Variants in CHL1 observed in about 807,000 individuals in gnomAD.
CHL1 encodes the protein cell adhesion molecule L1 like.
A neutral mutation model predicts 141.9 loss-of-function variants in CHL1; 96 were observed. The observed-to-expected ratio is 0.68, with a 90% confidence interval of 0.57 to 0.80. The LOEUF (loss-of-function observed/expected upper bound fraction) is 0.80. Ranked by LOEUF, CHL1 falls within the 30% of genes least tolerant of loss-of-function variation. CHL1 has a pLI of 0.00. For synonymous variants in CHL1, 613 were observed against 502.2 expected (o/e 1.22, Z -2.95); for missense variants, 1,820 against 1,457.2 (o/e 1.25, Z -4.05).
intron 1 of CHL1, among the ~76,000 whole-genome samples, chr3:231,730 C>T (rs1162247788): frequency 6.6e-6 from 1 of 151,880 alleles, no homozygotes; most frequent in East Asian, 1.9e-4. Flanking sequence ...GTGCCTGCCA[C>T]CATGCCTGGC....
intron 2 of CHL1, among the ~76,000 whole-genome samples, chr3:298,060 G>C (rs144255900): frequency 6.6e-6 from 1 of 152,126 alleles, no homozygotes. Flanking sequence ...TTCTACCTGA[G>C]TGTATATACA....
At chr3:358,973 T>TTA (rs61074463) in intron 11 of CHL1, among the ~76,000 whole-genome samples, 14,409 of 146,346 alleles carry the variant, frequency 0.098, 778 homozygotes, top group South Asian at 0.11. Context: ...AAAATATATG[T>TTA]TATATATATA....
intron 5 of CHL1, among the ~76,000 whole-genome samples, chr3:328,944 C>T (rs1257454016): frequency 6.6e-6 from 1 of 152,118 alleles, no homozygotes; most frequent in African/African-American, 2.4e-5. Context: ...TGCATAGTCC[C>T]ATCTAACATC....
At chr3:381,860 T>C (rs770199134) in intron 16 of CHL1, among the ~76,000 whole-genome samples, 21 of 151,936 alleles carry the variant, frequency 1.4e-4, no homozygotes, top group Admixed American at 2.6e-4. Context: ...CTTAGAGACA[T>C]ATATTAAGAT....
At chr3:249,442 A>G (rs1272431615) in intron 2 of CHL1, among the ~76,000 whole-genome samples, 5 of 152,182 alleles carry the variant, frequency 3.3e-5, no homozygotes, top group African/African-American at 1.2e-4. Flanking sequence ...AAAGCTCACT[A>G]AGAACCCTGT....
At chr3:264,125 A>C (rs1694969357) in intron 2 of CHL1, among the ~76,000 whole-genome samples, 1 of 152,202 alleles carries the variant, frequency 6.6e-6, no homozygotes, top group South Asian at 2.1e-4. Context: ...ACCAATTAGT[A>C]GTTAAATGAG....
intron 1 of CHL1, among the ~76,000 whole-genome samples, chr3:219,048 C>G (rs956541708): frequency 4.1e-5 from 6 of 145,746 alleles, no homozygotes; most frequent in African/African-American, 1.5e-4. Flanking sequence ...ACTCCAGAGG[C>G]TGAGGCAGGA....
At chr3:219,464 A>G (rs1700632477) in intron 1 of CHL1, among the ~76,000 whole-genome samples, 1 of 152,220 alleles carries the variant, frequency 6.6e-6, no homozygotes, top group African/African-American at 2.4e-5. Context: ...CAGACTGGAT[A>G]AAGGAAATGT....
intron 5 of CHL1, among the ~76,000 whole-genome samples, chr3:337,593 A>G (rs1702003901): frequency 7.1e-6 from 1 of 140,844 alleles, no homozygotes; most frequent in African/African-American, 2.7e-5. Flanking sequence ...TTCAATTCCC[A>G]CTTATGAGTG....
chr3:390,092 G>C (rs193055497), intron 20 of CHL1, among the ~76,000 whole-genome samples: 17 of 152,244 alleles, frequency 1.1e-4, no homozygotes, highest in African/African-American at 4.1e-4. Flanking sequence ...AAATAGAAAA[G>C]GTTCAGAATG....
chr3:261,927 C>T (rs546819330), intron 2 of CHL1, among the ~76,000 whole-genome samples: 1 of 150,960 alleles, frequency 6.6e-6, no homozygotes, highest in South Asian at 2.1e-4. Flanking sequence ...TATATTTAAG[C>T]CCAGATCTAC....
In CHL1 at chr3:198,254, CCT is replaced by C. The variant is rs560396191; in HGVS notation, c.-175+1193_-175+1194del. On this transcript the variant is annotated intron_variant, in intron 1 of 27. Transcript: ENST00000256509. Reference sequence around the variant, plus strand: ...CAGAGAGGGCGCCCCAGGTTCAGCCCCTCCTCGAAGGGCGCCGGCGTCCAGTC... The same window carrying C: ...CAGAGAGGGCGCCCCAGGTTCAGCCCCCTCGAAGGGCGCCGGCGTCCAGTC... Among the ~76,000 whole-genome samples the C allele has an allele frequency of 2.8e-3, 422 of 152,122 alleles. 1 individual carries two copies. Among genetic ancestry groups the C allele is most frequent in the Non-Finnish European group, 4.9e-3 (333 of 67,954 alleles).
At chr3:260,601 C>T (rs1694632142) in intron 2 of CHL1, among the ~76,000 whole-genome samples, 1 of 152,190 alleles carries the variant, frequency 6.6e-6, no homozygotes, top group Admixed American at 6.5e-5. Context: ...CACTTGCAGA[C>T]TGCCATAGCT....
chr3:334,391 AC>A (rs1219574510), intron 5 of CHL1, among the ~76,000 whole-genome samples: 1 of 152,060 alleles, frequency 6.6e-6, no homozygotes, highest in Non-Finnish European at 1.5e-5. Flanking sequence ...TAGTATTAAA[AC>A]ATTTCCATCA....
intron 2 of CHL1, among the ~76,000 whole-genome samples, chr3:317,813 T>C (rs1335833349): frequency 6.6e-6 from 1 of 151,974 alleles, no homozygotes; most frequent in Non-Finnish European, 1.5e-5. Flanking sequence ...TTTTGCTTTT[T>C]ATAATGAAAG....
intron 2 of CHL1, among the ~76,000 whole-genome samples, chr3:287,230 A>G (rs1016376199): frequency 2.6e-5 from 4 of 151,978 alleles, no homozygotes; most frequent in Admixed American, 1.3e-4. Flanking sequence ...ATTAATACAT[A>G]TTATATTTAC....
intron 2 of CHL1, among the ~76,000 whole-genome samples, chr3:255,166 C>T (rs598238): frequency 0.49 from 74,835 of 151,892 alleles, 18,904 homozygotes; most frequent in South Asian, 0.67. Context: ...GGTTTCCTAC[C>T]ATAATTACAG....
At chr3:343,076 T>C (rs756228010) in intron 8 of CHL1, 45 bp downstream of exon 8, 3 of 1,469,886 alleles carry the variant, frequency 2.0e-6, no homozygotes, top group South Asian at 2.6e-5. Flanking sequence ...GTATAGCTCA[T>C]TGTCATCTCA....
intron 9 of CHL1, among the ~76,000 whole-genome samples, chr3:346,480 T>G (rs1273963228): frequency 6.6e-6 from 1 of 152,202 alleles, no homozygotes; most frequent in Non-Finnish European, 1.5e-5. Flanking sequence ...TTCTTTTTTC[T>G]TATTTCCCAC....
Sources: allele counts gnomAD v4.1 joint callset (sites outside exome capture counted in the v4.1 genomes callset), GRCh38; gene constraint gnomAD v4.1.1; transcripts MANE v1.5; gene names NCBI Gene and HGNC (gene_info 2026-07-23, HGNC 2026-07-21).